Variants in PRKG1 observed in about 807,000 individuals in gnomAD.
PRKG1 encodes the protein protein kinase cGMP-dependent 1.
In PRKG1, 35 loss-of-function variants were observed where a neutral mutation model predicts 88.1. The ratio of observed to expected loss-of-function variants is 0.40; its 90% CI spans 0.30 to 0.53. The LOEUF (loss-of-function observed/expected upper bound fraction) is 0.53, where lower values mean the gene tolerates loss of function less well. PRKG1 is among the 20% of genes least tolerant of loss of function. PRKG1 has a pLI of 0.59. For synonymous variants in PRKG1, 303 were observed against 292.5 expected (o/e 1.04, Z -0.37); for missense variants, 540 against 839.8 (o/e 0.64, Z 4.41).
At chr10:51,794,703 G>A (rs1461642594) in intron 3 of PRKG1, among the ~76,000 whole-genome samples, 2 of 151,928 alleles carry the variant, frequency 1.3e-5, no homozygotes, top group Non-Finnish European at 2.9e-5. Context: ...ATTCTACAAT[G>A]TATACATATG....
intron 5 of PRKG1, among the ~76,000 whole-genome samples, chr10:51,950,892 T>C (rs560970011): frequency 1.7e-4 from 26 of 152,324 alleles, no homozygotes; most frequent in African/African-American, 6.3e-4. Context: ...GGGAGTTTTA[T>C]TGAGTGATGA....
At chr10:52,274,353 A>C (rs1486820352) in intron 12 of PRKG1, among the ~76,000 whole-genome samples, 1 of 151,130 alleles carries the variant, frequency 6.6e-6, no homozygotes, top group South Asian at 2.1e-4. Context: ...TAGCTCCCAC[A>C]TATCAGTGAG....
At chr10:51,562,321 T>A (rs1837487664) in intron 3 of PRKG1, among the ~76,000 whole-genome samples, 1 of 152,138 alleles carries the variant, frequency 6.6e-6, no homozygotes, top group South Asian at 2.1e-4. Context: ...GGTAGTTATT[T>A]ATAAAGAGGC....
At chr10:51,704,234 TAGACAGAC>T (rs200695048) in intron 3 of PRKG1, among the ~76,000 whole-genome samples, 4 of 150,188 alleles carry the variant, frequency 2.7e-5, no homozygotes, top group Non-Finnish European at 5.9e-5. Context: ...AGATGATAGA[TAGACAGAC>T]AGACAGACAG....
chr10:51,631,460 C>T (rs766616652), intron 3 of PRKG1, among the ~76,000 whole-genome samples: 4 of 152,104 alleles, frequency 2.6e-5, no homozygotes, highest in Non-Finnish European at 5.9e-5. Context: ...GTACATCAAC[C>T]CACTTGCCAC....
intron 5 of PRKG1, among the ~76,000 whole-genome samples, chr10:51,982,847 A>C (rs978248421): frequency 2.0e-5 from 3 of 152,250 alleles, no homozygotes; most frequent in Non-Finnish European, 4.4e-5. Context: ...CATTGGCTGC[A>C]GCAGGGTGCT....
At chr10:51,834,715 A>C (rs1418201914) in intron 4 of PRKG1, among the ~76,000 whole-genome samples, 1 of 151,344 alleles carries the variant, frequency 6.6e-6, no homozygotes, top group Admixed American at 6.6e-5. Flanking sequence ...AGAAAGAGAA[A>C]GAGAAAGAAA....
chr10:51,471,288 A>G (rs117379469), intron 3 of PRKG1, among the ~76,000 whole-genome samples: 1,597 of 152,076 alleles, frequency 0.011, 16 homozygotes, highest in Non-Finnish European at 0.017. Flanking sequence ...TGGTTTCCAC[A>G]GTACCAATTA....
intron 5 of PRKG1, among the ~76,000 whole-genome samples, chr10:51,956,293 C>T (rs1843300787): frequency 6.6e-6 from 1 of 151,806 alleles, no homozygotes; most frequent in Non-Finnish European, 1.5e-5. Context: ...TTTTATTGGA[C>T]ACAAGTTTCC....
chr10:51,321,664 G>A (rs985568468), intron 2 of PRKG1, among the ~76,000 whole-genome samples: 1 of 152,054 alleles, frequency 6.6e-6, no homozygotes, highest in Non-Finnish European at 1.5e-5. Flanking sequence ...AAAATAGTTA[G>A]AAAGAATAAA....
chr10:50,991,439 G>A lies in PRKG1; in HGVS notation c.61G>A (p.Glu21Lys). Residue 21 changes from glutamate to lysine, a missense_variant, in exon 1 of 18, where the codon GAG becomes AAG. Transcript: ENST00000401604. This position sits in a 1 kb window ranked among gnomAD's most constrained non-coding sequence, Gnocchi z 4.5. ...CATGCTCAAGGAGGAGAGGATCAAA[G>A]AGCTGGAGAAGCGGCTGTCAGAGAA... is the stretch of plus-strand genomic sequence containing the variant. 2 of 1,596,696 alleles carry A rather than the reference G, an allele frequency of 1.3e-6. No homozygotes were observed. The highest frequency in any genetic ancestry group is 1.7e-6 in the Non-Finnish European group (2 of 1,172,040).
chr10:51,129,198 G>A (rs931082064), intron 1 of PRKG1, among the ~76,000 whole-genome samples: 3 of 152,084 alleles, frequency 2.0e-5, no homozygotes, highest in African/African-American at 7.2e-5. Flanking sequence ...AAACAGGGCC[G>A]GGTGTGGTGG....
intron 2 of PRKG1, among the ~76,000 whole-genome samples, chr10:51,189,857 G>A (rs1037202757): frequency 3.3e-5 from 5 of 151,946 alleles, no homozygotes; most frequent in East Asian, 1.9e-4. Flanking sequence ...ATTAGCTCAC[G>A]TCATCCAAAT....
chr10:52,256,371 A>T lies in PRKG1; in HGVS notation c.1173+4705A>T, dbSNP rs1488702301. Among the ~76,000 whole-genome samples, 4 of 139,130 alleles carry T rather than the reference A, an allele frequency of 2.9e-5. 1 individual carries two copies. Among genetic ancestry groups the T allele is most frequent in the Non-Finnish European group, 6.5e-5 (4 of 61,600 alleles). 91.3% of individuals were successfully genotyped at this position (139,130 alleles called of 152,430 possible). The stretch of plus-strand genomic sequence containing the variant: ...GGCAAAATACCTGCAGAGAAAAAAA[A>T]TCCGACAGTGTAACATGGTAGCTAG... On this transcript the variant is annotated intron_variant, in intron 10 of 17. Coordinates refer to ENST00000373980, the MANE Select transcript of PRKG1 (RefSeq NM_006258.4).
At chr10:51,959,846 T>A (rs1903956) in intron 5 of PRKG1, among the ~76,000 whole-genome samples, 1 of 152,104 alleles carries the variant, frequency 6.6e-6, no homozygotes, top group Non-Finnish European at 1.5e-5. Flanking sequence ...GAATCTTGTG[T>A]TCTCTAAATT....
At chr10:50,999,011 A>C (rs565864096) in intron 1 of PRKG1, among the ~76,000 whole-genome samples, 7 of 152,286 alleles carry the variant, frequency 4.6e-5, no homozygotes, top group Admixed American at 1.3e-4. Context: ...TGTTGATTTT[A>C]TTTTAAACAT....
chr10:51,278,685 G>A lies in PRKG1; in HGVS notation c.478+125355G>A, dbSNP rs560423232. ...CTTCTTCCTGGTTTAGTCTTGGGAG[G>A]GTGTATGTGTCCAGGAATTTATCCG... is the stretch of plus-strand genomic sequence containing the variant. On this transcript the variant is annotated intron_variant, in intron 2 of 17. Transcript: ENST00000373980. Among the ~76,000 whole-genome samples the A allele has an allele frequency of 1.1e-4, 17 of 152,080 alleles. No individual in the cohort carries two copies. The South Asian group carries it at 2.3e-3, about 20-fold the overall frequency.
intron 5 of PRKG1, among the ~76,000 whole-genome samples, chr10:51,987,882 A>C (rs1844204370): frequency 6.6e-6 from 1 of 152,142 alleles, no homozygotes; most frequent in South Asian, 2.1e-4. Context: ...TAATGAAATT[A>C]TAAAGTTTGA....
At chr10:51,184,545 A>G (rs949055330) in intron 2 of PRKG1, among the ~76,000 whole-genome samples, 1 of 152,188 alleles carries the variant, frequency 6.6e-6, no homozygotes, top group East Asian at 1.9e-4. Flanking sequence ...GAAGTTATCT[A>G]TATAAGTTGT....
Sources: allele counts gnomAD v4.1 joint callset (sites outside exome capture counted in the v4.1 genomes callset), GRCh38; gene constraint gnomAD v4.1.1; non-coding constraint Gnocchi (gnomAD v3.1); transcripts MANE v1.5; gene names NCBI Gene and HGNC (gene_info 2026-07-23, HGNC 2026-07-21).